MAST2: variants seen among roughly 807,000 people sequenced by gnomAD.
The protein encoded by MAST2 is microtubule-associated serine/threonine-protein kinase 2.
In MAST2, 70 loss-of-function variants were observed where a neutral mutation model predicts 147.4. That is an observed-to-expected ratio of 0.47 (90% CI 0.39 to 0.58). The LOEUF (loss-of-function observed/expected upper bound fraction) is 0.58, where lower values mean the gene tolerates loss of function less well. Among genes scored for constraint, MAST2 ranks in the 20% least tolerant of loss-of-function variants. The pLI, the probability that MAST2 is intolerant of heterozygous loss-of-function variation, is 0.00. For synonymous variants in MAST2, 869 were observed against 896.8 expected, an observed-to-expected ratio of 0.97 and a Z score of 0.55; for missense variants, 2,080 against 2,302.3, an observed-to-expected ratio of 0.90 and a Z score of 1.98.
At chr1:45,871,929 T>TA (rs1408326908) in intron 3 of MAST2, among the ~76,000 whole-genome samples, 1 of 152,228 alleles carries the variant, frequency 6.6e-6, no homozygotes, top group Non-Finnish European at 1.5e-5. Context: ...GAGTTCTCAC[T>TA]ATGTTACCTA....
chr1:45,966,861 CTTTTTTTTTT>C lies in MAST2; in HGVS notation c.592+7398_592+7407del, dbSNP rs58072402. Among the ~76,000 whole-genome samples, 3 of 111,092 alleles carry C rather than the reference CTTTTTTTTTT, an allele frequency of 2.7e-5. 1 individual carries two copies. Among genetic ancestry groups the C allele is most frequent in the South Asian group, 6.3e-4 (2 of 3,188 alleles). 72.9% of individuals were successfully genotyped at this position (111,092 alleles called of 152,430 possible). A position where few individuals can be genotyped will look rare whatever the true frequency, so the allele number is the denominator to read the frequency against. On this transcript the variant is annotated intron_variant, in intron 5 of 28. Coordinates refer to ENST00000361297, the MANE Select transcript of MAST2 (RefSeq NM_015112.3). ...GTGGTGTCAGTGTGTGGATCTGGGT[CTTTTTTTTTT>C]TTTTTTTTTTTTTAAGGCAGGGTCT...
chr1:45,836,530 A>G (rs1645105740), intron 3 of MAST2, among the ~76,000 whole-genome samples: 1 of 152,128 alleles, frequency 6.6e-6, no homozygotes, highest in Non-Finnish European at 1.5e-5. Context: ...CACGAGTTCA[A>G]AGAGGAAAAA....
chr1:45,912,997 CAAT>C (rs1651910273), intron 4 of MAST2, among the ~76,000 whole-genome samples: 6 of 152,146 alleles, frequency 3.9e-5, no homozygotes, highest in African/African-American at 1.4e-4. Context: ...GCTTACCCTT[CAAT>C]AGAGGTCTTC....
At chr1:45,922,332 T>C (rs1295282360) in intron 4 of MAST2, among the ~76,000 whole-genome samples, 1 of 152,202 alleles carries the variant, frequency 6.6e-6, no homozygotes, top group East Asian at 1.9e-4. Context: ...GTGGACCAGC[T>C]TCTCTCCACC....
chr1:45,830,802 C>T (rs1195969921), intron 3 of MAST2, among the ~76,000 whole-genome samples: 2 of 151,528 alleles, frequency 1.3e-5, no homozygotes, highest in Non-Finnish European at 2.9e-5. Context: ...GCAGGAGGAT[C>T]GCTTGAGCCC....
intron 3 of MAST2, among the ~76,000 whole-genome samples, chr1:45,869,075 C>T (rs1646275494): frequency 1.3e-5 from 2 of 152,294 alleles, no homozygotes; most frequent in South Asian, 2.1e-4. Flanking sequence ...CTACACCAGT[C>T]TTGTACCTTT....
At chr1:46,000,111 T>C (rs1645212989) in intron 6 of MAST2, among the ~76,000 whole-genome samples, 1 of 152,094 alleles carries the variant, frequency 6.6e-6, no homozygotes, top group Non-Finnish European at 1.5e-5. Context: ...GTCGGGAGAT[T>C]GAGACCAGCC....
intron 3 of MAST2, among the ~76,000 whole-genome samples, chr1:45,866,875 G>A (rs965800134): frequency 5.3e-5 from 8 of 152,030 alleles, no homozygotes; most frequent in African/African-American, 1.7e-4. Flanking sequence ...CCGGAGTCGA[G>A]TAGCTGGGGC....
At chr1:45,995,013 G>T (rs1231879095) in intron 5 of MAST2, among the ~76,000 whole-genome samples, 5 of 151,686 alleles carry the variant, frequency 3.3e-5, no homozygotes, top group African/African-American at 1.2e-4. Context: ...TAATTTTTTT[G>T]TATTTTTTAG....
chr1:45,871,306 A>C (rs1646383920), intron 3 of MAST2, among the ~76,000 whole-genome samples: 1 of 151,930 alleles, frequency 6.6e-6, no homozygotes, highest in African/African-American at 2.4e-5. Flanking sequence ...GAACAAATTC[A>C]AACTTTAACC....
rs376546439 is a variant in MAST2 at position 45,984,307 on chromosome 1, AT to A, written c.593-13403del. On this transcript the variant is annotated intron_variant, in intron 5 of 28. Coordinates refer to ENST00000361297, the MANE Select transcript of MAST2 (RefSeq NM_015112.3). ...TTTATTTTATTTTATTTAATTTTTA[AT>A]TTTTTTTTTTTTTGAGACAGAGTCT... Among the ~76,000 whole-genome samples the A allele has an allele frequency of 5.5e-3, 792 of 144,380 alleles. 3 individuals carry two copies. The highest frequency in any genetic ancestry group is 0.015 in the Admixed American group (213 of 14,462). 94.7% of individuals were successfully genotyped at this position (144,380 alleles called of 152,430 possible). A position where few individuals can be genotyped will look rare whatever the true frequency, so the allele number is the denominator to read the frequency against.
chr1:45,946,662 C>T (rs1658078381), intron 4 of MAST2, among the ~76,000 whole-genome samples: 1 of 152,126 alleles, frequency 6.6e-6, no homozygotes, highest in Admixed American at 6.5e-5. Flanking sequence ...TGCTGGTGGT[C>T]TTTTCTGCTA....
At chr1:46,027,367 G>C (rs2149316616) in intron 16 of MAST2, among the ~76,000 whole-genome samples, 1 of 152,306 alleles carries the variant, frequency 6.6e-6, no homozygotes, top group African/African-American at 2.4e-5. Context: ...CAGATTGGGA[G>C]AGGGGACTAG....
At chr1:45,816,221 A>AAGAGAGAGAGAGAAAG (rs1553202493) in intron 1 of MAST2, among the ~76,000 whole-genome samples, 3 of 134,738 alleles carry the variant, frequency 2.2e-5, no homozygotes, top group Non-Finnish European at 4.7e-5. Context: ...GAGAGAGAGA[A>AAGAGAGAGAGAGAAAG]AGAGAGAGAG....
intron 5 of MAST2, among the ~76,000 whole-genome samples, chr1:45,983,080 T>G (rs1644476529): frequency 6.6e-6 from 1 of 152,214 alleles, no homozygotes; most frequent in Non-Finnish European, 1.5e-5. Context: ...AGTGGTCTGT[T>G]TTTTGCTATT....
intron 4 of MAST2, among the ~76,000 whole-genome samples, chr1:45,941,355 A>G (rs1178239547): frequency 6.6e-6 from 1 of 151,872 alleles, no homozygotes; most frequent in Non-Finnish European, 1.5e-5. Flanking sequence ...CACCTCCTGG[A>G]TTCAGGTGAT....
rs1570471315 is a variant in MAST2 at position 45,873,309 on chromosome 1, C to T, written c.469-9055C>T. On this transcript the variant is annotated intron_variant, in intron 3 of 28. Coordinates refer to ENST00000361297, the MANE Select transcript of MAST2 (RefSeq NM_015112.3). ...CTGGTCTCAAGCGATCCTCCCACCT[C>T]GGTCCCCTGAATAGTTGGGACTACA... is the stretch of plus-strand genomic sequence containing the variant. Among the ~76,000 whole-genome samples the T allele has an allele frequency of 1.2e-4, 18 of 151,940 alleles. No individual in the cohort carries two copies. In the South Asian group the frequency reaches 3.5e-3, roughly 30 times the overall value.
chr1:45,911,894 AT>A (rs1162814191), intron 4 of MAST2, among the ~76,000 whole-genome samples: 58 of 129,664 alleles, frequency 4.5e-4, no homozygotes, highest in Non-Finnish European at 8.1e-4. Context: ...TATTATTATT[AT>A]TATTATGTAG....
At chr1:45,842,566 G>T (rs1645311483) in intron 3 of MAST2, among the ~76,000 whole-genome samples, 1 of 152,050 alleles carries the variant, frequency 6.6e-6, no homozygotes, top group African/African-American at 2.4e-5. Context: ...GTGACCTTCT[G>T]TATCTGGTTT....
Sources: gnomAD v4.1 joint callset for allele counts (sites outside exome capture counted in the v4.1 genomes callset) on GRCh38, gnomAD v4.1.1 for gene constraint, MANE v1.5 for transcripts, NCBI Gene and HGNC (gene_info 2026-07-23, HGNC 2026-07-21) for gene names.